The following RENBP variants were observed in gnomAD, a reference collection of about 807,000 sequenced individuals.
The protein encoded by RENBP is renin binding protein.
In RENBP, 16 loss-of-function variants were observed where a neutral mutation model predicts 37.8. The observed-to-expected ratio is 0.42, with a 90% CI of 0.29 to 0.64. The LOEUF is 0.64. Among genes scored for constraint, RENBP ranks in the 30% least tolerant of loss-of-function variants. The probability of loss-of-function intolerance (pLI) is 0.19; values close to 1 mark genes in which losing one functional copy is unlikely to be tolerated. For missense variants in RENBP, 347 were observed against 379.5 expected, an observed-to-expected ratio of 0.91 and a Z score of 0.71; for synonymous variants, 170 against 154.8, an observed-to-expected ratio of 1.10 and a Z score of -0.73.
At chrX:153,937,550 T>C (rs1195816729) in intron 9 of RENBP, among the ~76,000 whole-genome samples, 2 of 111,500 alleles carry the variant, frequency 1.8e-5, no homozygotes, top group African/African-American at 6.5e-5. Context: ...CCAGTGATTC[T>C]CCTGCTTCAG....
intron 9 of RENBP, among the ~76,000 whole-genome samples, chrX:153,936,399 G>C (rs1007349241): frequency 9.4e-6 from 1 of 106,243 alleles, no homozygotes; most frequent in South Asian, 4.4e-4. Context: ...CCAGCTACTC[G>C]GGAGGCTGAG....
intron 8 of RENBP, among the ~76,000 whole-genome samples, chrX:153,940,810 C>T (rs1334965469): frequency 8.9e-6 from 1 of 111,782 alleles, no homozygotes; most frequent in Non-Finnish European, 1.9e-5. Flanking sequence ...GAATAATCCA[C>T]CCCTTGTTTA....
chrX:153,941,561 A>G lies in RENBP; in HGVS notation c.862T>C (p.Leu288=). Residue 288 remains leucine (L), a synonymous_variant, in exon 8 of 11, where the codon TTG becomes CTG. Coordinates refer to ENST00000393700, the MANE Select transcript of RENBP (RefSeq NM_002910.6). ...LRAHVIDKFL[L]LPFHSGWDPD... ...TCCCATCCGGAGTGGAAGGGCAACAATAGGAACTTGTCAATCACGTGGGCT... is the reference window on the plus strand; with the variant it reads ...TCCCATCCGGAGTGGAAGGGCAACAGTAGGAACTTGTCAATCACGTGGGCT... 1.7e-6 allele frequency: 2 copies of G among 1,210,070 alleles called. No homozygotes were observed. Among genetic ancestry groups the G allele is most frequent in the Non-Finnish European group, 2.2e-6 (2 of 894,674 alleles).
chrX:153,936,300 G>A (rs1419694059), intron 9 of RENBP, among the ~76,000 whole-genome samples: 1 of 109,860 alleles, frequency 9.1e-6, no homozygotes, highest in African/African-American at 3.3e-5. Context: ...AAGGTCAGGA[G>A]ATCGAGACCA....
chrX:153,941,879 T>G (rs1454682219), intron 7 of RENBP, 71 bp downstream of exon 7: 34 of 977,421 alleles, frequency 3.5e-5, no homozygotes, highest in Non-Finnish European at 4.7e-5. Flanking sequence ...CACTCCCATA[T>G]CTGAAGCCCA....
At chrX:153,936,671 C>T (rs1557108635) in intron 9 of RENBP, among the ~76,000 whole-genome samples, 1 of 110,882 alleles carries the variant, frequency 9.0e-6, no homozygotes, top group Non-Finnish European at 1.9e-5. Context: ...TGTCCTGGCT[C>T]ACCATTGGTC....
At position 153,944,362 on chromosome X, in the gene RENBP, C is replaced by T; in HGVS notation, c.84G>A (p.Glu28=). Residue 28 remains glutamate (E), a synonymous_variant, in exon 2 of 11, where the codon GAG becomes GAA. Transcript: ENST00000393700. ...LQAWKERVGQ[E]LDRVVAFWME... Reference sequence around the variant, plus strand: ...TCCAGAAAGCCACCACGCGGTCCAGCTCCTGCCCCACGCGCTCCTTCCAGG... The same window carrying T: ...TCCAGAAAGCCACCACGCGGTCCAGTTCCTGCCCCACGCGCTCCTTCCAGG... The T allele has an allele frequency of 8.3e-7, 1 of 1,211,734 alleles. No homozygotes were observed. The highest frequency in any genetic ancestry group is 3.0e-5 in the East Asian group (1 of 33,848).
intron 9 of RENBP, chrX:153,936,156 C>A: frequency 8.6e-6 from 1 of 116,055 alleles, no homozygotes; most frequent in Non-Finnish European, 1.8e-5. Context: ...AACGAACAAA[C>A]AAACAAACAA....
At chrX:153,944,037 C>T (rs374872455) in intron 3 of RENBP, 43 bp downstream of exon 3, 35 of 1,202,430 alleles carry the variant, frequency 2.9e-5, no homozygotes, top group Middle Eastern at 2.3e-4. Flanking sequence ...ACCTTTGAGG[C>T]GATGGGCCGT....
In RENBP at chrX:153,941,950, C is replaced by CCCCCCGGGG. The variant is rs2065228587; in HGVS notation, c.768_769insCCCCGGGGG (p.Pro256_Gly257insProArgGly). On this transcript the variant is annotated inframe_insertion and splice_region_variant, in exon 7 of 11. Coordinates refer to ENST00000393700, the MANE Select transcript of RENBP (RefSeq NM_002910.6). ...GCCCCCAGCCCACCCCGCCCCTCAC[C>CCCCCCGGGG]TGGGTTCTGCTGTCTCCCCAGGCAG... 6 of 1,130,586 alleles carry CCCCCCGGGG rather than the reference C, an allele frequency of 5.3e-6. No homozygotes were observed. The highest frequency in any genetic ancestry group is 7.3e-6 in the Non-Finnish European group (6 of 823,165). 93.2% of individuals were successfully genotyped at this position (1,130,586 alleles called of 1,213,427 possible).
intron 9 of RENBP, among the ~76,000 whole-genome samples, chrX:153,939,315 C>T (rs1194385927): frequency 2.7e-5 from 3 of 111,775 alleles, no homozygotes; most frequent in East Asian, 2.8e-4. Flanking sequence ...TTGAAGTCCT[C>T]GGTTCAAGCG....
intron 1 of RENBP, 28 bp downstream of exon 1, chrX:153,944,556 C>A: frequency 8.6e-7 from 1 of 1,169,284 alleles, no homozygotes; most frequent in Non-Finnish European, 1.1e-6. Context: ...TCCAAGACAG[C>A]ACTCCCCCCA....
chrX:153,942,775 G>T, intron 6 of RENBP, 80 bp downstream of exon 6: 1 of 803,202 alleles, frequency 1.2e-6, no homozygotes, highest in Non-Finnish European at 1.9e-6. Context: ...GTCTCTCCAG[G>T]TGTGTCGAGC....
intron 9 of RENBP, chrX:153,937,197 AAAATAAATAAATAAAT>A (rs35246509): frequency 8.6e-4 from 92 of 106,530 alleles, no homozygotes; most frequent in African/African-American, 2.3e-3. Context: ...CCCTGTCTCA[AAAATAAATAAATAAAT>A]AAATAAATAA....
Position 153,935,507 on chromosome X carries a change from T to G in RENBP, c.1147A>C (p.Lys383Gln). ...SREGKVALSIKGGPFKGCFHV... is the reference protein window; with the variant it reads ...SREGKVALSIQGGPFKGCFHV... Reference sequence around the variant, plus strand: ...CACTCACCTTTGAAAGGACCTCCCTTGATGGAGAGGGCCACCTTGCCCTCT... The same window carrying G: ...CACTCACCTTTGAAAGGACCTCCCTGGATGGAGAGGGCCACCTTGCCCTCT... Residue 383 changes from lysine to glutamine, a missense_variant, in exon 10 of 11, where the codon AAG becomes CAG. By Grantham distance (53) the Lys-to-Gln change is moderately conservative. This residue lies in a region of RENBP where 91 missense variants were observed against 67.7 expected (regional missense o/e 1.34). Coordinates refer to ENST00000393700, the MANE Select transcript of RENBP (RefSeq NM_002910.6). The G allele has an allele frequency of 1.7e-6, 2 of 1,208,971 alleles. No individual in the cohort carries two copies. Among genetic ancestry groups the G allele is most frequent in the Non-Finnish European group, 2.2e-6 (2 of 893,499 alleles).
intron 6 of RENBP, 98 bp downstream of exon 6, chrX:153,942,757 G>A (rs1299803024): frequency 1.7e-5 from 12 of 717,422 alleles, no homozygotes; most frequent in Admixed American, 2.4e-5. Context: ...GGACATCCCC[G>A]AATCTCTGTC....
Position 153,936,187 on chromosome X carries a change from G to A in RENBP, c.1078-611C>T, listed in dbSNP as rs1362717789. ...AACAAAAAAGTTCTCTATTGTGATT[G>A]TAGTCGTGGTTACGTTGATTCAAAG... On this transcript the variant is annotated intron_variant, in intron 9 of 10. Transcript: ENST00000393700. 6 of 113,267 alleles carry A rather than the reference G, an allele frequency of 5.3e-5. No homozygotes were observed. In the Admixed American group the frequency reaches 5.7e-4, roughly 11 times the overall value. The allele number at this position is 113,267 out of a possible 1,213,427, so 9.3% of individuals were successfully genotyped here.
intron 8 of RENBP, 68 bp downstream of exon 8, chrX:153,941,410 C>T: frequency 8.9e-7 from 1 of 1,123,311 alleles, no homozygotes; most frequent in Non-Finnish European, 1.2e-6. Context: ...TCTAGAGAAG[C>T]AACCACCTCC....
intron 7 of RENBP, 25 bp downstream of exon 7, chrX:153,941,925 G>GCGCGC: frequency 1.4e-6 from 1 of 708,480 alleles, no homozygotes. Flanking sequence ...CTCCTGGGTG[G>GCGCGC]CCCCCAGCCC....
Sources: gnomAD v4.1 joint callset for allele counts (sites outside exome capture counted in the v4.1 genomes callset) on GRCh38, gnomAD v4.1.1 for gene constraint, gnomAD v4.1.1 regional missense constraint, MANE v1.5 for transcripts, NCBI Gene and HGNC (gene_info 2026-07-23, HGNC 2026-07-21) for gene names.